B3GALT1: variants seen among roughly 807,000 people sequenced by gnomAD.
B3GALT1 encodes the protein beta-1,3-galactosyltransferase 1.
A neutral mutation model predicts 23.2 loss-of-function variants in B3GALT1; 10 were observed. That is an observed-to-expected ratio of 0.43 (90% confidence interval 0.27 to 0.73). The LOEUF is 0.73. B3GALT1 is among the 30% of genes least tolerant of loss of function. B3GALT1 has a pLI of 0.21. For synonymous variants in B3GALT1, 156 were observed against 141.5 expected, an observed-to-expected ratio of 1.10 and a Z score of -0.73; for missense variants, 299 against 405.4, an observed-to-expected ratio of 0.74 and a Z score of 2.25.
intron 3 of B3GALT1, among the ~76,000 whole-genome samples, chr2:167,769,118 T>C (rs551875078): frequency 6.6e-6 from 1 of 152,140 alleles, no homozygotes; most frequent in African/African-American, 2.4e-5. Flanking sequence ...ATTAGTTGCA[T>C]TCTCCCCTGG....
At chr2:167,835,651 G>A (rs1689448697) in intron 4 of B3GALT1, among the ~76,000 whole-genome samples, 1 of 152,206 alleles carries the variant, frequency 6.6e-6, no homozygotes, top group Non-Finnish European at 1.5e-5. Flanking sequence ...AGACTTAAAT[G>A]TCCCTGTCTG....
chr2:167,410,285 C>T (rs2105294903), intron 1 of B3GALT1, among the ~76,000 whole-genome samples: 1 of 151,900 alleles, frequency 6.6e-6, no homozygotes, highest in Admixed American at 6.6e-5. Flanking sequence ...GAGTGGATCA[C>T]GAGGTCAAGA....
chr2:167,780,495 G>A (rs1688228899), intron 3 of B3GALT1, among the ~76,000 whole-genome samples: 1 of 152,200 alleles, frequency 6.6e-6, no homozygotes, highest in South Asian at 2.1e-4. Flanking sequence ...CAAATAGGTA[G>A]TCAATTCCAA....
chr2:167,726,583 G>A (rs7589248), intron 3 of B3GALT1, among the ~76,000 whole-genome samples: 1 of 152,052 alleles, frequency 6.6e-6, no homozygotes, highest in African/African-American at 2.4e-5. Context: ...GACTGGATTT[G>A]CACAGGGCAC....
At chr2:167,403,171 C>A (rs190971424) in intron 1 of B3GALT1, among the ~76,000 whole-genome samples, 2 of 124,226 alleles carry the variant, frequency 1.6e-5, no homozygotes, top group African/African-American at 5.9e-5. Flanking sequence ...ATCCCTCCCC[C>A]CTCCCCCCAC....
chr2:167,455,215 G>A (rs1266601131), intron 1 of B3GALT1, among the ~76,000 whole-genome samples: 1 of 152,114 alleles, frequency 6.6e-6, no homozygotes, highest in East Asian at 1.9e-4. Context: ...TGGACTTTAT[G>A]GAATGATGAC....
chr2:167,608,505 G>T (rs951182731), intron 2 of B3GALT1, among the ~76,000 whole-genome samples: 6 of 152,134 alleles, frequency 3.9e-5, no homozygotes, highest in African/African-American at 1.4e-4. Context: ...ATGTCTAAGT[G>T]TGAGTGTGTG....
Position 167,357,040 on chromosome 2 carries a change from ATATG to A in B3GALT1, c.-511+63712_-511+63715del, listed in dbSNP as rs1265562955. On this transcript the variant is annotated intron_variant, in intron 1 of 4. Coordinates refer to ENST00000392690, the MANE Select transcript of B3GALT1 (RefSeq NM_020981.4). ...TGTATGTGTGTGTGTGTATATATAT[ATATG>A]TATGTGTGACAGTACACATGTGAAT... 1.3e-4 allele frequency among the ~76,000 whole-genome samples: 20 copies of A among 151,800 alleles called. No individual in the cohort carries two copies. The South Asian group carries it at 4.1e-3, about 31-fold the overall frequency.
In B3GALT1 at chr2:167,525,833, C is replaced by T. The variant is rs1683210936; in HGVS notation, c.-410+35556C>T. Among the ~76,000 whole-genome samples, 7 of 151,258 alleles carry T rather than the reference C, an allele frequency of 4.6e-5. No homozygotes were observed. In the South Asian group the frequency reaches 1.5e-3, roughly 32 times the overall value. On this transcript the variant is annotated intron_variant, in intron 2 of 4. Transcript: ENST00000392690. Reference sequence around the variant, plus strand: ...CCGCCTATGTTGCCCAGGTAGGTCTCAAACTCCTCAGCTTAAGTCTTAAGT... The same window carrying T: ...CCGCCTATGTTGCCCAGGTAGGTCTTAAACTCCTCAGCTTAAGTCTTAAGT...
At chr2:167,586,482 G>T (rs1574153755) in intron 2 of B3GALT1, among the ~76,000 whole-genome samples, 1 of 152,038 alleles carries the variant, frequency 6.6e-6, no homozygotes, top group Non-Finnish European at 1.5e-5. Context: ...TGTATTTTTA[G>T]TAGAGACAGG....
chr2:167,416,959 A>G (rs1018819966), intron 1 of B3GALT1, among the ~76,000 whole-genome samples: 22 of 152,156 alleles, frequency 1.4e-4, no homozygotes, highest in African/African-American at 5.1e-4. Flanking sequence ...GAAAGTAGAT[A>G]ACTTGTTTTG....
intron 2 of B3GALT1, among the ~76,000 whole-genome samples, chr2:167,617,524 G>A (rs1170045130): frequency 6.6e-6 from 1 of 152,018 alleles, no homozygotes; most frequent in Non-Finnish European, 1.5e-5. Context: ...GTGAAAAGGG[G>A]TGTTAGGCCA....
intron 3 of B3GALT1, among the ~76,000 whole-genome samples, chr2:167,781,095 AATT>A (rs1574259329): frequency 6.6e-6 from 1 of 152,234 alleles, no homozygotes; most frequent in Admixed American, 6.5e-5. Context: ...CACCCCTCAG[AATT>A]ACTAAAGTTA....
intron 3 of B3GALT1, among the ~76,000 whole-genome samples, chr2:167,720,222 A>T (rs553967499): frequency 3.3e-5 from 5 of 152,202 alleles, no homozygotes; most frequent in African/African-American, 1.2e-4. Context: ...ATTGGCTTTT[A>T]TATGGTGAAA....
intron 3 of B3GALT1, among the ~76,000 whole-genome samples, chr2:167,712,355 T>C (rs1004826747): frequency 8.6e-5 from 13 of 151,846 alleles, no homozygotes; most frequent in Middle Eastern, 3.2e-3. Flanking sequence ...CACATGTGAT[T>C]AGTGTTGGAT....
chr2:167,821,359 G>A (rs759003053), intron 4 of B3GALT1, among the ~76,000 whole-genome samples: 3 of 150,262 alleles, frequency 2.0e-5, no homozygotes, highest in African/African-American at 7.4e-5. Flanking sequence ...CAAATTGCAC[G>A]ATATCCAATT....
intron 2 of B3GALT1, among the ~76,000 whole-genome samples, chr2:167,525,146 G>A (rs1247889903): frequency 1.3e-5 from 2 of 152,218 alleles, no homozygotes; most frequent in South Asian, 2.1e-4. Context: ...AATTGATGCC[G>A]ATTATACATT....
At chr2:167,329,168 G>A (rs1696937572) in intron 1 of B3GALT1, among the ~76,000 whole-genome samples, 1 of 152,044 alleles carries the variant, frequency 6.6e-6, no homozygotes, top group Non-Finnish European at 1.5e-5. Flanking sequence ...CTGTCTCAGG[G>A]AATCTTTTGC....
At chr2:167,834,793 G>A (rs1227682982) in intron 4 of B3GALT1, among the ~76,000 whole-genome samples, 2 of 151,684 alleles carry the variant, frequency 1.3e-5, no homozygotes, top group East Asian at 3.9e-4. Flanking sequence ...AGGTTGCAGT[G>A]AGCCAAGATT....
Sources: gnomAD v4.1 joint callset for allele counts (sites outside exome capture counted in the v4.1 genomes callset) on GRCh38, gnomAD v4.1.1 for gene constraint, MANE v1.5 for transcripts, NCBI Gene and HGNC (gene_info 2026-07-23, HGNC 2026-07-21) for gene names.